The following TTC7A variants were observed in gnomAD, a reference collection of about 807,000 sequenced individuals.
TTC7A encodes tetratricopeptide repeat domain 7A, also known as tetratricopeptide repeat protein 7A.
In TTC7A, 110 loss-of-function variants were observed where a neutral mutation model predicts 103.7. The observed-to-expected ratio is 1.06, with a 90% CI of 0.91 to 1.24. The LOEUF is 1.24. Among genes scored for constraint, TTC7A ranks in the 50% most tolerant of loss-of-function variants. The probability of loss-of-function intolerance (pLI) is 0.00; values close to 1 mark genes in which losing one functional copy is unlikely to be tolerated. For missense variants in TTC7A, 1,340 were observed against 1,116.3 expected, an observed-to-expected ratio of 1.20 and a Z score of -2.86; for synonymous variants, 521 against 467.9, an observed-to-expected ratio of 1.11 and a Z score of -1.47.
chr2:47,073,717 C>A lies in TTC7A; in HGVS notation c.2371C>A (p.Arg791=). The change falls in exon 20 of 20, where the codon CGG becomes AGG. Residue 791 remains arginine, a synonymous_variant. Transcript: ENST00000319190. ...IMHSLGLMLS[R]LGHKSLAQKV... ...TCGTCCACAGGGTCTGATGCTGAGT[C>A]GGCTGGGCCACAAGAGCTTGGCCCA... 2.5e-6 allele frequency: 4 copies of A among 1,613,762 alleles called. No individual in the cohort carries two copies. Among genetic ancestry groups the A allele is most frequent in the South Asian group, 1.1e-5 (1 of 91,032 alleles).
intron 15 of TTC7A, among the ~76,000 whole-genome samples, chr2:47,031,608 A>G (rs993076312): frequency 1.3e-5 from 2 of 152,210 alleles, no homozygotes; most frequent in Non-Finnish European, 2.9e-5. Flanking sequence ...TCCTAATGAA[A>G]TCTTCCTTGG....
intron 4 of TTC7A, among the ~76,000 whole-genome samples, chr2:46,977,333 C>G (rs1005754355): frequency 6.6e-6 from 1 of 152,192 alleles, no homozygotes; most frequent in Non-Finnish European, 1.5e-5. Context: ...CTCTGAGGAA[C>G]TAAGACCTTC....
intron 11 of TTC7A, among the ~76,000 whole-genome samples, chr2:47,021,057 T>C (rs919884): frequency 0.14 from 21,557 of 152,250 alleles, 2,118 homozygotes; most frequent in African/African-American, 0.28. Flanking sequence ...GGTGGGTCAG[T>C]GCCAGTCTTA....
chr2:46,982,509 C>T (rs1234821585), intron 5 of TTC7A, among the ~76,000 whole-genome samples: 1 of 152,254 alleles, frequency 6.6e-6, no homozygotes, highest in African/African-American at 2.4e-5. Context: ...CCAATCCCAG[C>T]TCTTATGACA....
intron 8 of TTC7A, among the ~76,000 whole-genome samples, chr2:47,002,543 G>A (rs1676928818): frequency 6.7e-6 from 1 of 150,232 alleles, no homozygotes; most frequent in African/African-American, 2.5e-5. Flanking sequence ...CCAGAGCATG[G>A]GGGTACACCA....
chr2:46,939,503 ATGAG>A (rs747203013), upstream of TTC7A, among the ~76,000 whole-genome samples: 20 of 152,316 alleles, frequency 1.3e-4, no homozygotes, highest in Non-Finnish European at 2.5e-4. Flanking sequence ...CCACACATAC[ATGAG>A]TATTGGTGAC....
intron 2 of TTC7A, among the ~76,000 whole-genome samples, chr2:46,919,624 T>C (rs1033788554): frequency 6.6e-6 from 1 of 152,260 alleles, no homozygotes; most frequent in African/African-American, 2.4e-5. Flanking sequence ...GGTAATCCTG[T>C]GTCCCTAAAA....
intron 1 of TTC7A, among the ~76,000 whole-genome samples, chr2:46,946,852 G>A (rs1670986446): frequency 6.6e-6 from 1 of 152,240 alleles, no homozygotes. Context: ...AGGGCAGGGA[G>A]AGGAGAGTTG....
chr2:46,975,440 C>G (rs1281270443), intron 4 of TTC7A, among the ~76,000 whole-genome samples: 1 of 151,996 alleles, frequency 6.6e-6, no homozygotes, highest in Non-Finnish European at 1.5e-5. Context: ...TCCTTCCCTG[C>G]TCTCGGTGTC....
Position 47,006,726 on chromosome 2 carries a change from T to C in TTC7A, c.1287+2T>C. Reference sequence around the variant, plus strand: ...CTCTCCATGGTGGCTTGTGGGAAGGTAAGGCCCAGGGGGCGCTAGGGGTTG... The same window carrying C: ...CTCTCCATGGTGGCTTGTGGGAAGGCAAGGCCCAGGGGGCGCTAGGGGTTG... On this transcript the variant is annotated splice_donor_variant, in intron 10 of 19. Transcript: ENST00000319190. LOFTEE classifies it high-confidence loss of function. 1 of 1,612,556 alleles carries C rather than the reference T, an allele frequency of 6.2e-7. No homozygotes were observed. The highest frequency in any genetic ancestry group is 8.5e-7 in the Non-Finnish European group (1 of 1,178,530).
At chr2:47,053,402 C>G (rs1683033774) in intron 18 of TTC7A, among the ~76,000 whole-genome samples, 2 of 152,230 alleles carry the variant, frequency 1.3e-5, no homozygotes, top group African/African-American at 4.8e-5. Context: ...GGGGGCTTCA[C>G]CAGCTTTAAG....
intron 5 of TTC7A, among the ~76,000 whole-genome samples, chr2:46,980,720 A>G (rs546291356): frequency 6.6e-6 from 1 of 152,218 alleles, no homozygotes; most frequent in Non-Finnish European, 1.5e-5. Flanking sequence ...CCCATGAAAG[A>G]CTGCCTTCCA....
At chr2:47,071,651 T>G (rs965220776) in intron 19 of TTC7A, among the ~76,000 whole-genome samples, 4 of 152,194 alleles carry the variant, frequency 2.6e-5, no homozygotes, top group African/African-American at 9.6e-5. Context: ...GATTCCAACC[T>G]GGCCAGGGCT....
chr2:46,930,605 T>C (rs558798672), intron 2 of TTC7A, among the ~76,000 whole-genome samples: 7 of 151,932 alleles, frequency 4.6e-5, no homozygotes, highest in African/African-American at 1.7e-4. Flanking sequence ...GTTCAAGCGA[T>C]TCTCCTGCCT....
chr2:46,978,989 T>C lies in TTC7A; in HGVS notation c.764+82T>C, dbSNP rs982659436. 9.6e-6 allele frequency: 9 copies of C among 938,668 alleles called. No homozygotes were observed. In the African/African-American group the frequency reaches 9.7e-5, roughly 10 times the overall value. The allele number at this position is 938,668 out of a possible 1,614,324, so 58.1% of individuals were successfully genotyped here. On this transcript the variant is annotated intron_variant, in intron 5 of 19. Transcript: ENST00000319190. ...GACGTGGCCTTAAGGCTGCTCTCCC[T>C]CTTCTCTGGCCTGTGCATACGTGCT...
intron 2 of TTC7A, among the ~76,000 whole-genome samples, chr2:46,924,970 C>T (rs1669311598): frequency 1.3e-5 from 2 of 152,338 alleles, no homozygotes; most frequent in South Asian, 4.1e-4. Context: ...TTTGGTAAAT[C>T]ATACATTTGG....
chr2:47,000,003 C>G (rs1191097395), intron 8 of TTC7A: 2 of 741,168 alleles, frequency 2.7e-6, no homozygotes, highest in Non-Finnish European at 3.3e-6. Context: ...TCTGTGTGGC[C>G]TGGTTGAGCT....
In TTC7A at chr2:46,929,791, T is replaced by C. The variant is rs548775631; in HGVS notation, c.82+12514T>C. On this transcript the variant is annotated intron_variant, in intron 2 of 20. Transcript: ENST00000409245. ...TTCACTGCCCATCTCTGGGCATTGG[T>C]ATTAGGCTGAGTCATATTTCTTCCT... is the stretch of plus-strand genomic sequence containing the variant. 7.2e-5 allele frequency among the ~76,000 whole-genome samples: 11 copies of C among 152,338 alleles called. No individual in the cohort carries two copies. The South Asian group carries it at 1.9e-3, about 26-fold the overall frequency.
At chr2:46,990,434 GGC>G in intron 5 of TTC7A, among the ~76,000 whole-genome samples, 1 of 152,290 alleles carries the variant, frequency 6.6e-6, no homozygotes. Context: ...TGGGGCAGAG[GGC>G]TGGTAGGCGG....
Sources: gnomAD v4.1 joint callset for allele counts (sites outside exome capture counted in the v4.1 genomes callset) on GRCh38, gnomAD v4.1.1 for gene constraint, MANE v1.5 for transcripts, NCBI Gene and HGNC (gene_info 2026-07-23, HGNC 2026-07-21) for gene names.